IQSEC1: variants seen among roughly 807,000 people sequenced by gnomAD.
IQSEC1 encodes IQ motif and SEC7 domain-containing protein 1.
Under a neutral mutation model 91.0 loss-of-function variants are expected in IQSEC1, and 31 were observed. The observed-to-expected ratio is 0.34, with a 90% CI of 0.26 to 0.46. IQSEC1 has a LOEUF of 0.46. IQSEC1 is among the 20% of genes least tolerant of loss of function. IQSEC1 has a pLI of 1.00. For missense variants in IQSEC1, 1,388 were observed against 1,575.6 expected (o/e 0.88, Z 2.02); for synonymous variants, 699 against 662.6 (o/e 1.05, Z -0.84).
chr3:13,038,266 A>G (rs1260696237), intron 1 of IQSEC1, among the ~76,000 whole-genome samples: 73 of 47,100 alleles, frequency 1.5e-3, no homozygotes, highest in African/African-American at 3.0e-3. Flanking sequence ...GTGTGTGTAT[A>G]TATATATATA....
At chr3:12,901,600 G>C in intron 13 of IQSEC1, 78 bp from the exon 14 acceptor site, 1 of 1,248,706 alleles carries the variant, frequency 8.0e-7, no homozygotes, top group Non-Finnish European at 1.1e-6. Context: ...TTTTTCAAAT[G>C]TAAAAATTCA....
intron 2 of IQSEC1, among the ~76,000 whole-genome samples, chr3:13,143,734 T>G (rs893704476): frequency 6.6e-6 from 1 of 152,104 alleles, no homozygotes. Context: ...CTCATCACTT[T>G]TGAAGGGAAC....
chr3:13,181,273 AC>A (rs376984299), intron 1 of IQSEC1, among the ~76,000 whole-genome samples: 102,202 of 149,858 alleles, frequency 0.68, 34,548 homozygotes, highest in South Asian at 0.71. Flanking sequence ...TCCGTCTCAA[AC>A]AAACAAACAA....
intron 1 of IQSEC1, among the ~76,000 whole-genome samples, chr3:13,191,776 C>T (rs1363611172): frequency 3.3e-5 from 5 of 152,194 alleles, no homozygotes; most frequent in African/African-American, 9.7e-5. Flanking sequence ...TAATTTCCTT[C>T]GCTTGACCAT....
At chr3:13,014,753 C>T (rs2124933182) in intron 1 of IQSEC1, among the ~76,000 whole-genome samples, 2 of 152,274 alleles carry the variant, frequency 1.3e-5, no homozygotes, top group South Asian at 4.1e-4. Flanking sequence ...CCCAAGAGGT[C>T]AGGCTCAGGG....
At chr3:13,040,526 G>A (rs1576203499) in intron 1 of IQSEC1, among the ~76,000 whole-genome samples, 1 of 152,144 alleles carries the variant, frequency 6.6e-6, no homozygotes, top group Non-Finnish European at 1.5e-5. Flanking sequence ...CCTGAGCCAC[G>A]CCTCTCACAC....
intron 1 of IQSEC1, among the ~76,000 whole-genome samples, chr3:13,260,130 A>C (rs1695356779): frequency 6.6e-6 from 1 of 152,200 alleles, no homozygotes; most frequent in Non-Finnish European, 1.5e-5. Flanking sequence ...GGATGAGAAA[A>C]GAGAGTGAGG....
At chr3:13,082,922 G>A (rs567317005) in intron 2 of IQSEC1, among the ~76,000 whole-genome samples, 1 of 152,320 alleles carries the variant, frequency 6.6e-6, no homozygotes, top group East Asian at 1.9e-4. Context: ...CCCTCATTGG[G>A]AATGCTCTTC....
At chr3:13,116,845 C>T (rs1328463281) in intron 2 of IQSEC1, among the ~76,000 whole-genome samples, 1 of 152,006 alleles carries the variant, frequency 6.6e-6, no homozygotes, top group African/African-American at 2.4e-5. Context: ...CCCAATGGGC[C>T]AAAGACCTAA....
In IQSEC1 at chr3:12,900,651, T is replaced by G; in HGVS notation, c.*332A>C. 2 of 1,221,888 alleles carry G rather than the reference T, an allele frequency of 1.6e-6. No homozygotes were observed. Among genetic ancestry groups the G allele is most frequent in the Admixed American group, 4.2e-5 (1 of 23,998 alleles). The allele number at this position is 1,221,888 out of a possible 1,614,324, so 75.7% of individuals were successfully genotyped here. On this transcript the variant is annotated 3_prime_UTR_variant, in exon 14 of 14. Transcript: ENST00000613206. Reference sequence around the variant, plus strand: ...GGTTGGGTTTTCATATGCATGTACATTAGGGCACAGGGAGCTGAGAGCTGG... The same window carrying G: ...GGTTGGGTTTTCATATGCATGTACAGTAGGGCACAGGGAGCTGAGAGCTGG...
At chr3:12,956,004 G>A (rs532374615) in intron 1 of IQSEC1, among the ~76,000 whole-genome samples, 1 of 152,308 alleles carries the variant, frequency 6.6e-6, no homozygotes, top group African/African-American at 2.4e-5. Context: ...TAACATTTCA[G>A]CAACTTAAGA....
chr3:13,140,590 G>A (rs114025056), intron 2 of IQSEC1, among the ~76,000 whole-genome samples: 1,827 of 152,310 alleles, frequency 0.012, 40 homozygotes, highest in African/African-American at 0.04. Flanking sequence ...AGTCATCAAC[G>A]TGGGACAGAG....
At chr3:13,125,336 C>T (rs1326245740) in intron 2 of IQSEC1, among the ~76,000 whole-genome samples, 1 of 152,244 alleles carries the variant, frequency 6.6e-6, no homozygotes, top group Non-Finnish European at 1.5e-5. Flanking sequence ...CTCCCACCCC[C>T]ACCTCCACCA....
intron 1 of IQSEC1, among the ~76,000 whole-genome samples, chr3:13,243,795 A>AG (rs1695063019): frequency 1.3e-5 from 2 of 151,662 alleles, no homozygotes; most frequent in South Asian, 2.1e-4. Context: ...CTGTATTTCT[A>AG]GGGGGGCGTA....
At chr3:12,981,677 T>C (rs1003504856) in intron 1 of IQSEC1, among the ~76,000 whole-genome samples, 1 of 152,238 alleles carries the variant, frequency 6.6e-6, no homozygotes, top group African/African-American at 2.4e-5. Flanking sequence ...TTGTGAAGTA[T>C]GATTGTAGAA....
chr3:13,244,966 T>C (rs1313191451), intron 1 of IQSEC1, among the ~76,000 whole-genome samples: 1 of 152,136 alleles, frequency 6.6e-6, no homozygotes, highest in African/African-American at 2.4e-5. Context: ...GGCACGCAAA[T>C]GGAGCCCACA....
intron 1 of IQSEC1, among the ~76,000 whole-genome samples, chr3:12,951,723 C>T (rs1433820994): frequency 6.6e-6 from 1 of 152,158 alleles, no homozygotes; most frequent in Non-Finnish European, 1.5e-5. Context: ...CTAGATGAGG[C>T]CCAGCAATGC....
chr3:13,054,426 C>T (rs1704803586), intron 1 of IQSEC1, among the ~76,000 whole-genome samples: 1 of 152,230 alleles, frequency 6.6e-6, no homozygotes, highest in South Asian at 2.1e-4. Context: ...CTACCCTGTC[C>T]CCCACACGCC....
At chr3:13,227,318 G>A (rs986330679) in intron 1 of IQSEC1, among the ~76,000 whole-genome samples, 5 of 143,412 alleles carry the variant, frequency 3.5e-5, no homozygotes, top group African/African-American at 1.3e-4. Context: ...AGAGGATGCC[G>A]TGAGCCGAGA....
Sources: allele counts gnomAD v4.1 joint callset (sites outside exome capture counted in the v4.1 genomes callset), GRCh38; gene constraint gnomAD v4.1.1; transcripts MANE v1.5; gene names NCBI Gene and HGNC (gene_info 2026-07-23, HGNC 2026-07-21).